Variants in RBFOX1 observed in about 807,000 individuals in gnomAD.
RBFOX1 encodes RNA binding protein fox-1 homolog 1.
RBFOX1 carries 8 observed loss-of-function variants against 57.7 expected under a neutral mutation model. The ratio of observed to expected loss-of-function variants is 0.14; its 90% CI spans 0.08 to 0.25. The LOEUF is 0.25. Among genes scored for constraint, RBFOX1 ranks in the 10% least tolerant of loss-of-function variants. RBFOX1 has a pLI of 1.00. For synonymous variants in RBFOX1, 326 were observed against 222.4 expected (o/e 1.47, Z -4.15); for missense variants, 611 against 548.5 (o/e 1.11, Z -1.14).
chr16:7,352,328 CTGA>C (rs1356230499), intron 4 of RBFOX1, among the ~76,000 whole-genome samples: 1 of 152,186 alleles, frequency 6.6e-6, no homozygotes, highest in Non-Finnish European at 1.5e-5. Context: ...CACTCTGGGC[CTGA>C]TGATGACCAA....
intron 1 of RBFOX1, among the ~76,000 whole-genome samples, chr16:6,043,571 A>G (rs911378681): frequency 6.6e-6 from 1 of 152,198 alleles, no homozygotes; most frequent in Non-Finnish European, 1.5e-5. Context: ...GGGAAAGGGC[A>G]TAAGGAGGTG....
intron 3 of RBFOX1, among the ~76,000 whole-genome samples, chr16:5,641,810 A>T (rs1024707987): frequency 6.6e-6 from 1 of 152,198 alleles, no homozygotes; most frequent in Non-Finnish European, 1.5e-5. Context: ...TGCTCTTCCT[A>T]TGGCATTTTC....
chr16:6,009,802 ATGTGTGTGTGTGTCTGTGTG>A (rs1555469410), intron 4 of RBFOX1, among the ~76,000 whole-genome samples: 1 of 58,562 alleles, frequency 1.7e-5, no homozygotes, highest in Non-Finnish European at 3.2e-5. Flanking sequence ...CAGTGTGTGT[ATGTGTGTGTGTGTCTGTGTG>A]TGTGTGTGTG....
chr16:6,787,936 A>G (rs114643519), intron 3 of RBFOX1, among the ~76,000 whole-genome samples: 2,952 of 152,280 alleles, frequency 0.019, 112 homozygotes, highest in African/African-American at 0.067. Flanking sequence ...GTGAAAGGCC[A>G]ATGAGGCCGG....
intron 4 of RBFOX1, among the ~76,000 whole-genome samples, chr16:7,351,063 C>G (rs932589270): frequency 6.6e-6 from 1 of 152,188 alleles, no homozygotes; most frequent in East Asian, 1.9e-4. Flanking sequence ...GTTCTGTCTT[C>G]GGGATGGCTG....
chr16:6,915,138 G>T (rs535255768), intron 3 of RBFOX1, among the ~76,000 whole-genome samples: 37 of 152,184 alleles, frequency 2.4e-4, no homozygotes, highest in Non-Finnish European at 4.3e-4. Flanking sequence ...GCGGAGCCAT[G>T]CTCTCCAGAC....
intron 2 of RBFOX1, among the ~76,000 whole-genome samples, chr16:6,632,375 A>C (rs1310224194): frequency 6.6e-6 from 1 of 152,116 alleles, no homozygotes; most frequent in African/African-American, 2.4e-5. Context: ...GAGAAACAAA[A>C]GGACCTCATA....
intron 9 of RBFOX1, among the ~76,000 whole-genome samples, chr16:7,603,133 T>G (rs1018159212): frequency 6.6e-6 from 1 of 152,142 alleles, no homozygotes; most frequent in Non-Finnish European, 1.5e-5. Flanking sequence ...TAATTTCAAC[T>G]AAGCAACCGG....
chr16:7,257,914 C>T (rs55653540), intron 4 of RBFOX1, among the ~76,000 whole-genome samples: 4,451 of 152,184 alleles, frequency 0.029, 134 homozygotes, highest in African/African-American at 0.078. Flanking sequence ...GAGATTCCAT[C>T]TTCGTATCTC....
intron 2 of RBFOX1, among the ~76,000 whole-genome samples, chr16:5,514,562 G>A (rs2043721836): frequency 6.6e-6 from 1 of 152,212 alleles, no homozygotes; most frequent in Non-Finnish European, 1.5e-5. Flanking sequence ...CGAAGGAACA[G>A]AGAGTTGGGG....
chr16:7,545,481 C>G lies in RBFOX1; in HGVS notation c.270+27092C>G, dbSNP rs1005660094. ...CATCAAAACCCCAGCCCTGGCACCC[C>G]CCGACCTTCCCTGCAGCCTTCACAA... is the stretch of plus-strand genomic sequence containing the variant. On this transcript the variant is annotated intron_variant, in intron 5 of 15. Coordinates refer to ENST00000550418, the MANE Select transcript of RBFOX1 (RefSeq NM_018723.4). Among the ~76,000 whole-genome samples, 14 of 152,248 alleles carry G rather than the reference C, an allele frequency of 9.2e-5. No individual in the cohort carries two copies. In the East Asian group the frequency reaches 2.3e-3, roughly 25 times the overall value.
intron 2 of RBFOX1, among the ~76,000 whole-genome samples, chr16:5,549,945 T>A (rs902409412): frequency 6.6e-6 from 1 of 152,166 alleles, no homozygotes; most frequent in African/African-American, 2.4e-5. Context: ...TGTTTGCATG[T>A]GTATGTGTGC....
chr16:6,311,868 C>G (rs985773121), intron 1 of RBFOX1, among the ~76,000 whole-genome samples: 1 of 152,170 alleles, frequency 6.6e-6, no homozygotes, highest in African/African-American at 2.4e-5. Flanking sequence ...ACTAACCTCT[C>G]TACCACCAGG....
At chr16:6,813,940 C>A (rs1285394020) in intron 3 of RBFOX1, among the ~76,000 whole-genome samples, 1 of 152,142 alleles carries the variant, frequency 6.6e-6, no homozygotes, top group African/African-American at 2.4e-5. Flanking sequence ...AGTTACCCAG[C>A]AAACTATTAA....
At position 6,219,690 on chromosome 16, in the gene RBFOX1, C is replaced by T. The variant is rs138274430; in HGVS notation, c.-126-97305C>T. 5.2e-4 allele frequency among the ~76,000 whole-genome samples: 79 copies of T among 152,162 alleles called. 1 individual carries two copies. In the East Asian group the frequency reaches 0.013, roughly 25 times the overall value. ...AGGAGTTCAAGACCAGCCTGACCAA[C>T]ATGGTGAAAACCTGTCTCTACTAAA... On this transcript the variant is annotated intron_variant, in intron 1 of 15. Transcript: ENST00000550418.
At chr16:6,628,115 C>G (rs78012270) in intron 2 of RBFOX1, among the ~76,000 whole-genome samples, 1 of 152,152 alleles carries the variant, frequency 6.6e-6, no homozygotes, top group Non-Finnish European at 1.5e-5. Context: ...TTTTCCACTT[C>G]GCAGTCCCCA....
At chr16:6,817,144 C>T (rs150354705) in intron 3 of RBFOX1, among the ~76,000 whole-genome samples, 4 of 152,150 alleles carry the variant, frequency 2.6e-5, no homozygotes, top group African/African-American at 9.7e-5. Context: ...TGGCTGCAAC[C>T]TGCTGAGTAA....
intron 3 of RBFOX1, among the ~76,000 whole-genome samples, chr16:6,914,673 A>G (rs1244481127): frequency 6.6e-6 from 1 of 152,210 alleles, no homozygotes; most frequent in Non-Finnish European, 1.5e-5. Context: ...CACGAGTTCA[A>G]GATCAGCCTG....
At chr16:7,005,167 C>T (rs891233330) in intron 3 of RBFOX1, among the ~76,000 whole-genome samples, 3 of 151,028 alleles carry the variant, frequency 2.0e-5, no homozygotes, top group Non-Finnish European at 4.4e-5. Context: ...CGAAAAAAAA[C>T]CCAAAACTAA....
Sources: allele counts gnomAD v4.1 joint callset (sites outside exome capture counted in the v4.1 genomes callset), GRCh38; gene constraint gnomAD v4.1.1; transcripts MANE v1.5; gene names NCBI Gene and HGNC (gene_info 2026-07-23, HGNC 2026-07-21).